Variants in LEKR1 observed in about 807,000 individuals in gnomAD.
LEKR1 encodes protein LEKR1.
In LEKR1, 59 loss-of-function variants were observed where a neutral mutation model predicts 72.4. That is an observed-to-expected ratio of 0.82 (90% CI 0.66 to 1.01). The LOEUF (loss-of-function observed/expected upper bound fraction) is 1.01, where lower values mean the gene tolerates loss of function less well. Ranked by LOEUF, LEKR1 falls within the 50% of genes least tolerant of loss-of-function variation. The pLI is 0.00. For missense variants in LEKR1, 728 were observed against 759.2 expected (o/e 0.96, Z 0.48); for synonymous variants, 257 against 263.2 (o/e 0.98, Z 0.23).
chr3:157,040,019 T>G (rs2108046722), intron 12 of LEKR1, among the ~76,000 whole-genome samples: 1 of 152,224 alleles, frequency 6.6e-6, no homozygotes, highest in South Asian at 2.1e-4. Flanking sequence ...ATACCTAGGC[T>G]TGGTTGGCAG....
chr3:156,965,224 T>TAC (rs1392964522), intron 6 of LEKR1, among the ~76,000 whole-genome samples: 3 of 152,070 alleles, frequency 2.0e-5, no homozygotes, highest in Non-Finnish European at 4.4e-5. Flanking sequence ...AACACACATA[T>TAC]ACACACACAC....
Position 156,901,987 on chromosome 3 carries a change from G to C in LEKR1, c.264-18588G>C, listed in dbSNP as rs568806067. On this transcript the variant is annotated intron_variant, in intron 3 of 12. Transcript: ENST00000356539. ...GTGTGAGTCACCACACCAGGCCAAT[G>C]ATTCTTTTCTTATAGTTCTCTGCCT... 6.6e-5 allele frequency among the ~76,000 whole-genome samples: 10 copies of C among 152,176 alleles called. 1 individual carries two copies. In the South Asian group the frequency reaches 2.1e-3, roughly 32 times the overall value.
At chr3:156,828,996 A>G (rs528818407) in intron 1 of LEKR1, among the ~76,000 whole-genome samples, 8 of 152,232 alleles carry the variant, frequency 5.3e-5, no homozygotes, top group African/African-American at 1.4e-4. Flanking sequence ...TGTATTTGAA[A>G]AACAATTAGT....
rs533230338 is a variant in LEKR1 at position 156,941,700 on chromosome 3, T to C, written c.560-829T>C. Among the ~76,000 whole-genome samples the C allele has an allele frequency of 5.3e-5, 8 of 152,216 alleles. No homozygotes were observed. In the East Asian group the frequency reaches 1.2e-3, roughly 22 times the overall value. On this transcript the variant is annotated intron_variant, in intron 5 of 12. Transcript: ENST00000356539. Reference sequence around the variant, plus strand: ...TCATCTAAATCACATGCTCATCAATTCAATTAATTGTGGTTGTACAAATTT... The same window carrying C: ...TCATCTAAATCACATGCTCATCAATCCAATTAATTGTGGTTGTACAAATTT...
chr3:156,852,574 C>T (rs1243923462), intron 2 of LEKR1, among the ~76,000 whole-genome samples, 194 bp from the exon 3 acceptor site: 3 of 152,062 alleles, frequency 2.0e-5, no homozygotes, highest in African/African-American at 4.8e-5. Context: ...TTTTTCTAAT[C>T]CCAAGATTTT....
Position 156,920,613 on chromosome 3 carries a change from A to C in LEKR1, c.302A>C (p.Asn101Thr). The change falls in exon 4 of 13, where the codon AAT (asparagine) becomes ACT (threonine). Residue 101 changes from asparagine (N) to threonine (T), a missense_variant. Physicochemically the swap from Asn to Thr is moderately conservative, Grantham distance 65. Transcript: ENST00000356539. ...DVGMQLKSQQ[N>T]EFQKVKKQLS... ...GGCATGCAGTTAAAAAGTCAACAAA[A>C]TGAATTTCAGAAAGTAAAGAAACAA... 6.8e-7 allele frequency: 1 copy of C among 1,471,620 alleles called. No individual in the cohort carries two copies. The highest frequency in any genetic ancestry group is 9.1e-7 in the Non-Finnish European group (1 of 1,095,094). The allele number at this position is 1,471,620 out of a possible 1,614,324, so 91.2% of individuals were successfully genotyped here. A position where few individuals can be genotyped will look rare whatever the true frequency, so the allele number is the denominator to read the frequency against.
At chr3:156,890,747 G>A (rs1355918381) in intron 3 of LEKR1, among the ~76,000 whole-genome samples, 1 of 152,020 alleles carries the variant, frequency 6.6e-6, no homozygotes, top group African/African-American at 2.4e-5. Context: ...TGAGATCAGT[G>A]TGATCAGCTT....
At chr3:156,903,415 G>T (rs1383597851) in intron 3 of LEKR1, among the ~76,000 whole-genome samples, 2 of 151,728 alleles carry the variant, frequency 1.3e-5, no homozygotes, top group Non-Finnish European at 2.9e-5. Context: ...TTAAGGATCG[G>T]TAGAAGCATC....
In LEKR1 at chr3:156,977,693, G is replaced by GTT. The variant is rs1311874867; in HGVS notation, c.746-1499_746-1498dup. Reference sequence around the variant, plus strand: ...GTACATGGGATGGATGCATATGGAAGTTTGCTCTGTCTGATAAATAAGACA... The same window carrying GTT: ...GTACATGGGATGGATGCATATGGAAGTTTTTGCTCTGTCTGATAAATAAGACA... On this transcript the variant is annotated intron_variant, in intron 6 of 12. Transcript: ENST00000356539. 5 of 242,386 alleles carry GTT rather than the reference G, an allele frequency of 2.1e-5. No individual in the cohort carries two copies. In the East Asian group the frequency reaches 5.5e-4, roughly 27 times the overall value. 15.0% of individuals were successfully genotyped at this position (242,386 alleles called of 1,614,324 possible). A position where few individuals can be genotyped will look rare whatever the true frequency, so the allele number is the denominator to read the frequency against.
At chr3:156,942,416 A>T in intron 5 of LEKR1, 113 bp from the exon 6 acceptor site, 1 of 333,976 alleles carries the variant, frequency 3.0e-6, no homozygotes, top group Non-Finnish European at 5.4e-6. Flanking sequence ...TAATCTCAGA[A>T]ATGTCATCTT....
intron 6 of LEKR1, among the ~76,000 whole-genome samples, chr3:156,948,556 G>A (rs547052182): frequency 5.3e-5 from 8 of 150,900 alleles, no homozygotes; most frequent in Admixed American, 4.6e-4. Context: ...GACAGTGAAC[G>A]TTCAATCTGT....
chr3:156,921,260 T>C (rs553983345), intron 4 of LEKR1, among the ~76,000 whole-genome samples: 1 of 152,126 alleles, frequency 6.6e-6, no homozygotes, highest in African/African-American at 2.4e-5. Context: ...CCTTTTTGAA[T>C]TGAATAACTT....
Position 156,861,921 on chromosome 3 carries a change from G to A in LEKR1, c.263+8939G>A, listed in dbSNP as rs143512354. Among the ~76,000 whole-genome samples, 655 of 152,136 alleles carry A rather than the reference G, an allele frequency of 4.3e-3. 2 individuals carry two copies. The highest frequency in any genetic ancestry group is 6.9e-3 in the Non-Finnish European group (470 of 67,978). ...CTCCAGACCAAAGTCCTTAGGTATAGAACATACTATTTTCTTTTATTTCTT... is the reference window on the plus strand; with the variant it reads ...CTCCAGACCAAAGTCCTTAGGTATAAAACATACTATTTTCTTTTATTTCTT... On this transcript the variant is annotated intron_variant, in intron 3 of 12. Coordinates refer to ENST00000356539, the MANE Select transcript of LEKR1 (RefSeq NM_001004316.3).
At chr3:156,961,378 G>A (rs1728117931) in intron 6 of LEKR1, among the ~76,000 whole-genome samples, 2 of 152,086 alleles carry the variant, frequency 1.3e-5, no homozygotes, top group South Asian at 2.1e-4. Flanking sequence ...CGAATTTTGG[G>A]AGATTTCTTT....
At chr3:156,839,314 A>G (rs1175231028) in intron 2 of LEKR1, among the ~76,000 whole-genome samples, 1 of 152,224 alleles carries the variant, frequency 6.6e-6, no homozygotes, top group Non-Finnish European at 1.5e-5. Flanking sequence ...ACAGTAGTCT[A>G]TGGAAAGGAC....
At chr3:156,937,730 G>C (rs958050666) in intron 5 of LEKR1, among the ~76,000 whole-genome samples, 4 of 152,108 alleles carry the variant, frequency 2.6e-5, no homozygotes, top group African/African-American at 9.7e-5. Context: ...TGTTCATAGC[G>C]GCTGTAGTCA....
intron 2 of LEKR1, among the ~76,000 whole-genome samples, chr3:156,847,298 G>A (rs1439332362): frequency 1.3e-5 from 2 of 152,172 alleles, no homozygotes; most frequent in Non-Finnish European, 2.9e-5. Flanking sequence ...CATTTGAGAA[G>A]TTTGTTTCAT....
chr3:157,018,606 T>A (rs9842862), intron 10 of LEKR1, among the ~76,000 whole-genome samples: 4 of 152,058 alleles, frequency 2.6e-5, no homozygotes, highest in Admixed American at 6.5e-5. Context: ...ATGTAGGGGT[T>A]GGGGGGACAG....
chr3:156,960,475 G>T (rs1030355952), intron 6 of LEKR1, among the ~76,000 whole-genome samples: 1 of 151,968 alleles, frequency 6.6e-6, no homozygotes, highest in Non-Finnish European at 1.5e-5. Flanking sequence ...TAGTAGAGAC[G>T]GGGTTTCACC....
Sources: allele counts gnomAD v4.1 joint callset (sites outside exome capture counted in the v4.1 genomes callset), GRCh38; gene constraint gnomAD v4.1.1; transcripts MANE v1.5; gene names NCBI Gene and HGNC (gene_info 2026-07-23, HGNC 2026-07-21).